CDH13: variants seen among roughly 807,000 people sequenced by gnomAD.
CDH13 encodes cadherin 13.
CDH13 carries 24 observed loss-of-function variants against 63.8 expected under a neutral mutation model. The ratio of observed to expected loss-of-function variants is 0.38; its 90% CI spans 0.27 to 0.53. The LOEUF is 0.53. Ranked by LOEUF, CDH13 falls within the 20% of genes least tolerant of loss-of-function variation. The pLI, the probability that CDH13 is intolerant of heterozygous loss-of-function variation, is 0.85. For missense variants in CDH13, 1,049 were observed against 903.1 expected (o/e 1.16, Z -2.07); for synonymous variants, 503 against 355.3 (o/e 1.42, Z -4.67).
At chr16:83,084,203 C>A (rs1458959840) in intron 3 of CDH13, among the ~76,000 whole-genome samples, 1 of 152,174 alleles carries the variant, frequency 6.6e-6, no homozygotes, top group Non-Finnish European at 1.5e-5. Flanking sequence ...TTGGAGCCAA[C>A]TGATTGCATT....
chr16:83,700,904 G>T (rs1056970698), intron 10 of CDH13, among the ~76,000 whole-genome samples: 4 of 152,070 alleles, frequency 2.6e-5, no homozygotes, highest in African/African-American at 9.7e-5. Context: ...TTTTTTAAGA[G>T]CTACTAATTT....
chr16:83,729,663 C>A (rs1559321), intron 10 of CDH13, among the ~76,000 whole-genome samples: 3,435 of 152,258 alleles, frequency 0.023, 134 homozygotes, highest in East Asian at 0.17. Flanking sequence ...AGTAATCCCA[C>A]CCACATGAAG....
intron 4 of CDH13, among the ~76,000 whole-genome samples, chr16:83,148,931 C>G (rs2036862698): frequency 6.6e-6 from 1 of 152,148 alleles, no homozygotes; most frequent in Non-Finnish European, 1.5e-5. Flanking sequence ...TTATTACACT[C>G]ATTATCTTAA....
At chr16:82,732,304 G>A (rs962548757) in intron 1 of CDH13, among the ~76,000 whole-genome samples, 1 of 152,108 alleles carries the variant, frequency 6.6e-6, no homozygotes, top group African/African-American at 2.4e-5. Context: ...AAAAGTTTTA[G>A]TGTCAGCTCC....
chr16:83,705,688 T>C (rs955904098), intron 10 of CDH13, among the ~76,000 whole-genome samples: 6 of 152,204 alleles, frequency 3.9e-5, no homozygotes, highest in Non-Finnish European at 5.9e-5. Context: ...AACTACTAAG[T>C]GCCAGGCATT....
chr16:83,027,101 G>GCCCCCCCCCCCCCCCCC (rs1386342125), intron 2 of CDH13, among the ~76,000 whole-genome samples: 3 of 118,558 alleles, frequency 2.5e-5, no homozygotes, highest in Admixed American at 8.5e-5. Context: ...ACAGAAGGGA[G>GCCCCCCCCCCCCCCCCC]ACCCCCCCCC....
intron 1 of CDH13, among the ~76,000 whole-genome samples, chr16:82,718,251 G>A (rs1199776642): frequency 1.3e-5 from 2 of 152,170 alleles, no homozygotes; most frequent in Non-Finnish European, 2.9e-5. Flanking sequence ...GAGGAATGAG[G>A]GACCTGGGGT....
At chr16:83,774,918 G>A (rs1915004502) in intron 11 of CDH13, among the ~76,000 whole-genome samples, 1 of 149,400 alleles carries the variant, frequency 6.7e-6, no homozygotes, top group South Asian at 2.1e-4. Flanking sequence ...ACACTTCAAA[G>A]TGGTTAAAAA....
intron 1 of CDH13, among the ~76,000 whole-genome samples, chr16:82,697,423 C>CT (rs34376129): frequency 0.02 from 1,070 of 54,838 alleles, 32 homozygotes; most frequent in African/African-American, 0.029. Flanking sequence ...TTTCTTTTTT[C>CT]TTTTTTTTTT....
At position 82,649,314 on chromosome 16, in the gene CDH13, G is replaced by T. The variant is rs564827665; in HGVS notation, c.45+22177G>T. The stretch of plus-strand genomic sequence containing the variant: ...TGGATGGAAGGATGAATGCATAGAT[G>T]GAGGATGGATGGATGGATGATGGAT... On this transcript the variant is annotated intron_variant, in intron 1 of 13. Coordinates refer to ENST00000567109, the MANE Select transcript of CDH13 (RefSeq NM_001257.5). Among the ~76,000 whole-genome samples the T allele has an allele frequency of 6.6e-5, 10 of 152,264 alleles. No homozygotes were observed. The East Asian group carries it at 1.9e-3, about 29-fold the overall frequency.
At chr16:83,740,675 C>A (rs987553861) in intron 10 of CDH13, among the ~76,000 whole-genome samples, 1 of 152,144 alleles carries the variant, frequency 6.6e-6, no homozygotes, top group African/African-American at 2.4e-5. Flanking sequence ...CTCTGGGATG[C>A]CTGGGAAGGG....
chr16:83,609,047 A>C (rs1908621136), intron 8 of CDH13, among the ~76,000 whole-genome samples: 1 of 152,076 alleles, frequency 6.6e-6, no homozygotes. Context: ...TTTTGCTTTC[A>C]CAACACATTT....
chr16:83,407,099 A>T (rs2092058956), intron 6 of CDH13, among the ~76,000 whole-genome samples: 1 of 152,198 alleles, frequency 6.6e-6, no homozygotes, highest in African/African-American at 2.4e-5. Flanking sequence ...GATAATTTTG[A>T]GCGCCTACTG....
chr16:82,998,951 C>T (rs551378358), intron 2 of CDH13, among the ~76,000 whole-genome samples: 4 of 149,374 alleles, frequency 2.7e-5, no homozygotes, highest in Non-Finnish European at 4.4e-5. Flanking sequence ...CATTCTCTGC[C>T]GCTGTAATTT....
chr16:82,638,739 A>G (rs1278736980), intron 1 of CDH13, among the ~76,000 whole-genome samples: 2 of 148,868 alleles, frequency 1.3e-5, no homozygotes, highest in African/African-American at 4.9e-5. Context: ...CATGCCTCAT[A>G]AAATCATTTG....
At chr16:82,983,957 C>G (rs1383872417) in intron 2 of CDH13, among the ~76,000 whole-genome samples, 1 of 152,142 alleles carries the variant, frequency 6.6e-6, no homozygotes, top group Admixed American at 6.5e-5. Context: ...GAGTGGGTAG[C>G]TGGAGGCATA....
chr16:83,018,903 C>G (rs929164142), intron 2 of CDH13, among the ~76,000 whole-genome samples: 1 of 152,096 alleles, frequency 6.6e-6, no homozygotes, highest in African/African-American at 2.4e-5. Flanking sequence ...AATTGGCACA[C>G]CTGTATAGGG....
rs570045878 is a variant in CDH13 at position 83,410,151 on chromosome 16, T to G, written c.781+65145T>G. Among the ~76,000 whole-genome samples the G allele has an allele frequency of 2.0e-5, 3 of 152,244 alleles. No homozygotes were observed. In the East Asian group the frequency reaches 5.8e-4, roughly 29 times the overall value. ...CATAGCCCATGTAGAGCGCATGGTT[T>G]TATCAGCTGAAGTGAAGCACCAAGA... On this transcript the variant is annotated intron_variant, in intron 6 of 13. Coordinates refer to ENST00000567109, the MANE Select transcript of CDH13 (RefSeq NM_001257.5).
intron 6 of CDH13, among the ~76,000 whole-genome samples, chr16:83,432,766 C>T (rs1410293427): frequency 6.6e-6 from 1 of 152,142 alleles, no homozygotes; most frequent in East Asian, 1.9e-4. Context: ...TGAGATGCAT[C>T]TTGCACACAG....
Sources: allele counts gnomAD v4.1 joint callset (sites outside exome capture counted in the v4.1 genomes callset), GRCh38; gene constraint gnomAD v4.1.1; transcripts MANE v1.5; gene names NCBI Gene and HGNC (gene_info 2026-07-23, HGNC 2026-07-21).